Variants in MYEOV observed in about 807,000 individuals in gnomAD.
The protein encoded by MYEOV is myeloma-overexpressed gene protein.
Under a neutral mutation model 4.5 loss-of-function variants are expected in MYEOV, and 4 were observed. That is an observed-to-expected ratio of 0.89 (90% confidence interval 0.44 to 2.03). The LOEUF (loss-of-function observed/expected upper bound fraction) is 2.03. MYEOV is among the 30% of genes most tolerant of loss of function. The pLI is 0.03. For missense variants in MYEOV, 408 were observed against 412.8 expected (o/e 0.99, Z 0.10); for synonymous variants, 184 against 170.3 (o/e 1.08, Z -0.63).
rs147884839 is a variant in MYEOV, at chr11:69,296,369, C to A, written c.919C>A (p.Leu307Ile). 400 of 1,423,804 alleles carry A rather than the reference C, an allele frequency of 2.8e-4. 1 individual carries two copies. Among genetic ancestry groups the A allele is most frequent in the Middle Eastern group, 5.5e-4 (3 of 5,426 alleles). The allele number at this position is 1,423,804 out of a possible 1,614,324, so 88.2% of individuals were successfully genotyped here. ...CCTCCACCACCTCCTCCTCCTCCTC[C>A]TCATCATCATCCTCACTTGTTGAGG... ...LLLHHLLLLLLIIILTC is the reference protein window; with the variant it reads ...LLLHHLLLLLIIIILTC The change falls in exon 3 of 3, where the codon CTC becomes ATC. Residue 307 changes from leucine to isoleucine, a missense_variant. Transcript: ENST00000441339.
rs1565151767 is a variant in MYEOV at position 69,296,234 on chromosome 11, A to G, written c.784A>G (p.Thr262Ala). 6.2e-7 allele frequency: 1 copy of G among 1,603,306 alleles called. No homozygotes were observed. ...LPLRVAGSWL[T>A]VVTVEALGGW... ...TCTGCGGGTGGCTGGGTCCTGGCTGACTGTTGTGACTGTTGAGGCCCTGGG... is the reference window on the plus strand; with the variant it reads ...TCTGCGGGTGGCTGGGTCCTGGCTGGCTGTTGTGACTGTTGAGGCCCTGGG... Residue 262 changes from threonine (T) to alanine (A), a missense_variant, in exon 3 of 3, where the codon ACT becomes GCT. Transcript: ENST00000441339.
chr11:69,295,644 G>C lies in MYEOV; in HGVS notation c.194G>C (p.Gly65Ala), dbSNP rs747043106. 2.5e-6 allele frequency: 4 copies of C among 1,614,138 alleles called. No homozygotes were observed. The South Asian group carries it at 4.4e-5, about 18-fold the overall frequency. The part of the protein sequence containing the change: ...DSLLMFTRQA[G>A]HFVEGSKAGR... Reference sequence around the variant, plus strand: ...TTGCTCATGTTCACCCGGCAGGCTGGACACTTCGTGGAGGGCTCCAAAGCC... The same window carrying C: ...TTGCTCATGTTCACCCGGCAGGCTGCACACTTCGTGGAGGGCTCCAAAGCC... The change falls in exon 3 of 3, where the codon GGA becomes GCA. Residue 65 changes from glycine to alanine, a missense_variant. Transcript: ENST00000441339. This position sits in a 1 kb window ranked among gnomAD's most constrained non-coding sequence, Gnocchi z 4.1.
In MYEOV at chr11:69,296,068, T is replaced by C. The variant is rs772057143; in HGVS notation, c.618T>C (p.Pro206=). The change falls in exon 3 of 3, where the codon CCT becomes CCC. Residue 206 remains proline (P), a synonymous_variant. Coordinates refer to ENST00000441339, the MANE Select transcript of MYEOV (RefSeq NM_001293291.2). ...WARMDVALRS[P]GRGLLAGAGA... ...GAATGGATGTGGCTCTGCGCTCACC[T>C]GGGCGAGGACTTCTGGCCGGTGCCG... 8.7e-6 allele frequency: 14 copies of C among 1,614,024 alleles called. 1 individual carries two copies.
Position 69,295,805 on chromosome 11 carries a change from G to A in MYEOV, c.355G>A (p.Ala119Thr), listed in dbSNP as rs774909178. Reference sequence around the variant, plus strand: ...GGGAGACAAGGGTGCCCAGACAGGTGCGGGGCTCAGCCAGGAGGCAGAAGA... The same window carrying A: ...GGGAGACAAGGGTGCCCAGACAGGTACGGGGCTCAGCCAGGAGGCAGAAGA... ...NKGDKGAQTG[A>T]GLSQEAEDVD... The change falls in exon 3 of 3, where the codon GCG becomes ACG. Residue 119 changes from alanine to threonine, a missense_variant. Ala to Thr is a moderately conservative substitution (Grantham distance 58, BLOSUM62 0). Transcript: ENST00000441339. The surrounding 1 kb of genome is among the most constrained non-coding windows in gnomAD (Gnocchi z 4.1). The A allele has an allele frequency of 1.2e-6, 2 of 1,614,208 alleles. No individual in the cohort carries two copies. The highest frequency in any genetic ancestry group is 1.7e-6 in the Non-Finnish European group (2 of 1,180,036).
Position 69,296,374 on chromosome 11 carries a change from C to G in MYEOV, c.924C>G (p.Ile308Met). The G allele has an allele frequency of 2.7e-6, 4 of 1,468,120 alleles. No homozygotes were observed. The highest frequency in any genetic ancestry group is 3.6e-6 in the Non-Finnish European group (4 of 1,106,148). 90.9% of individuals were successfully genotyped at this position (1,468,120 alleles called of 1,614,324 possible). The change falls in exon 3 of 3, where the codon ATC (isoleucine) becomes ATG (methionine). Residue 308 changes from isoleucine to methionine, a missense_variant. Physicochemically the swap from Ile to Met is conservative, Grantham distance 10. Coordinates refer to ENST00000441339, the MANE Select transcript of MYEOV (RefSeq NM_001293291.2). Reference protein sequence around the residue: ...LLHHLLLLLLIIILTC With the variant: ...LLHHLLLLLLMIILTC ...ACCACCTCCTCCTCCTCCTCCTCATCATCATCCTCACTTGTTGAGGACGTC... is the reference window on the plus strand; with the variant it reads ...ACCACCTCCTCCTCCTCCTCCTCATGATCATCCTCACTTGTTGAGGACGTC...
At position 69,296,137 on chromosome 11, in the gene MYEOV, T is replaced by C. The variant is rs764391548; in HGVS notation, c.687T>C (p.Tyr229=). The stretch of plus-strand genomic sequence containing the variant: ...TGGCAGAATCGAGCTGCCCTGACTA[T>C]GAAAGGGGAAGAAGAGCATGCCTGA... ...MTLAESSCPD[Y]ERGRRACLTL... is the part of the protein sequence containing the mutation. The change falls in exon 3 of 3, where the codon TAT becomes TAC. Residue 229 remains tyrosine (Y), a synonymous_variant. Coordinates refer to ENST00000441339, the MANE Select transcript of MYEOV (RefSeq NM_001293291.2). 8 of 1,613,980 alleles carry C rather than the reference T, an allele frequency of 5.0e-6. No homozygotes were observed. In the South Asian group the frequency reaches 8.8e-5, roughly 18 times the overall value.
rs947919631 is a variant in MYEOV at position 69,295,727 on chromosome 11, G to T, written c.277G>T (p.Ala93Ser). The change falls in exon 3 of 3, where the codon GCA becomes TCA. Residue 93 changes from alanine to serine, a missense_variant. Physicochemically the swap from Ala to Ser is moderately conservative, Grantham distance 99. Coordinates refer to ENST00000441339, the MANE Select transcript of MYEOV (RefSeq NM_001293291.2). The surrounding 1 kb of genome is among the most constrained non-coding windows in gnomAD (Gnocchi z 4.1). ...GGCCCTGCGTGTTGCGGTGAGAGGAGCATTTGTGTCTCTGTGGTTTGCTGC... is the reference window on the plus strand; with the variant it reads ...GGCCCTGCGTGTTGCGGTGAGAGGATCATTTGTGTCTCTGTGGTTTGCTGC... Reference protein sequence around the residue: ...SQALRVAVRGAFVSLWFAAGA... With the variant: ...SQALRVAVRGSFVSLWFAAGA... 3 of 1,614,056 alleles carry T rather than the reference G, an allele frequency of 1.9e-6. No homozygotes were observed. Among genetic ancestry groups the T allele is most frequent in the Non-Finnish European group, 2.5e-6 (3 of 1,180,040 alleles).
At position 69,295,574 on chromosome 11, in the gene MYEOV, C is replaced by T. The variant is rs550325881; in HGVS notation, c.142-18C>T. ...ACCTGCTGATGTCTGATTTATTCATCGGTTTTCTTGTCTGTAGTCTGTCCC... is the reference window on the plus strand; with the variant it reads ...ACCTGCTGATGTCTGATTTATTCATTGGTTTTCTTGTCTGTAGTCTGTCCC... On this transcript the variant is annotated intron_variant, in intron 2 of 2. Coordinates refer to ENST00000441339, the MANE Select transcript of MYEOV (RefSeq NM_001293291.2). This position sits in a 1 kb window ranked among gnomAD's most constrained non-coding sequence, Gnocchi z 4.1. The T allele has an allele frequency of 1.2e-5, 19 of 1,611,746 alleles. No homozygotes were observed. Among genetic ancestry groups the T allele is most frequent in the Middle Eastern group, 1.7e-4 (1 of 6,052 alleles).
Position 69,295,503 on chromosome 11 carries a change from C to T in MYEOV, c.141+8C>T. On this transcript the variant is annotated splice_region_variant and intron_variant, in intron 2 of 2. Coordinates refer to ENST00000441339, the MANE Select transcript of MYEOV (RefSeq NM_001293291.2). The surrounding 1 kb of genome is among the most constrained non-coding windows in gnomAD (Gnocchi z 4.1). ...ACCTTCCACCTCCACCAGGTGCCGA[C>T]ACTTCCCTGACCCCAGTAACCTCTT... 6.2e-7 allele frequency: 1 copy of T among 1,614,096 alleles called. No homozygotes were observed. Among genetic ancestry groups the T allele is most frequent in the Non-Finnish European group, 8.5e-7 (1 of 1,179,958 alleles).
At position 69,295,617 on chromosome 11, in the gene MYEOV, C is replaced by T. The variant is rs745685581; in HGVS notation, c.167C>T (p.Ser56Leu). 15 of 1,613,668 alleles carry T rather than the reference C, an allele frequency of 9.3e-6. 1 individual carries two copies. Among genetic ancestry groups the T allele is most frequent in the South Asian group, 6.6e-5 (6 of 91,054 alleles). Residue 56 changes from serine (S) to leucine (L), a missense_variant, in exon 3 of 3, where the codon TCG becomes TTG. Coordinates refer to ENST00000441339, the MANE Select transcript of MYEOV (RefSeq NM_001293291.2). This position sits in a 1 kb window ranked among gnomAD's most constrained non-coding sequence, Gnocchi z 4.1. Reference sequence around the variant, plus strand: ...TCTGTCCCCCTTGGGGACAGGGACTCGTTGCTCATGTTCACCCGGCAGGCT... The same window carrying T: ...TCTGTCCCCCTTGGGGACAGGGACTTGTTGCTCATGTTCACCCGGCAGGCT... ...HQSVPLGDRD[S>L]LLMFTRQAGH... is the part of the protein sequence containing the mutation.
chr11:69,295,102 A>G lies in MYEOV; in HGVS notation c.-122-131A>G. Reference sequence around the variant, plus strand: ...TCCCAGCTTCCAGGATCATGAGGTGAAAACGTGAAGGGACCCTAGAGGCCA... The same window carrying G: ...TCCCAGCTTCCAGGATCATGAGGTGGAAACGTGAAGGGACCCTAGAGGCCA... On this transcript the variant is annotated intron_variant, in intron 1 of 2. Transcript: ENST00000441339. The surrounding 1 kb of genome is among the most constrained non-coding windows in gnomAD (Gnocchi z 4.1). 1.9e-6 allele frequency: 1 copy of G among 537,084 alleles called. No homozygotes were observed. The highest frequency in any genetic ancestry group is 3.2e-6 in the Non-Finnish European group (1 of 313,508). 33.3% of individuals were successfully genotyped at this position (537,084 alleles called of 1,614,324 possible).
chr11:69,296,181 C>A lies in MYEOV; in HGVS notation c.731C>A (p.Thr244Asn). ...TGCCTGACCCTCCACCGGCACCCCA[C>A]CCCTCACTGCTCCACCTGGGGCCTG... ...RACLTLHRHPTPHCSTWGLPL... is the reference protein window; with the variant it reads ...RACLTLHRHPNPHCSTWGLPL... Residue 244 changes from threonine (T) to asparagine (N), a missense_variant, in exon 3 of 3, where the codon ACC becomes AAC. Thr to Asn is a moderately conservative substitution (Grantham distance 65). Coordinates refer to ENST00000441339, the MANE Select transcript of MYEOV (RefSeq NM_001293291.2). 6.2e-7 allele frequency: 1 copy of A among 1,613,800 alleles called. No homozygotes were observed.
Position 69,295,441 on chromosome 11 carries a change from C to T in MYEOV, c.87C>T (p.Pro29=). The part of the protein sequence containing the change: ...TRCCLCLEQS[P]SWCHCLRGVS... The stretch of plus-strand genomic sequence containing the variant: ...GTTGCCTCTGCCTGGAACAGTCTCC[C>T]TCCTGGTGTCATTGTCTCCGTGGTG... Residue 29 remains proline (P), a synonymous_variant, in exon 2 of 3, where the codon CCC becomes CCT. Coordinates refer to ENST00000441339, the MANE Select transcript of MYEOV (RefSeq NM_001293291.2). The surrounding 1 kb of genome is among the most constrained non-coding windows in gnomAD (Gnocchi z 4.1). 8 of 1,614,214 alleles carry T rather than the reference C, an allele frequency of 5.0e-6. No individual in the cohort carries two copies. Among genetic ancestry groups the T allele is most frequent in the Non-Finnish European group, 6.8e-6 (8 of 1,180,016 alleles).
In MYEOV at chr11:69,296,694, A is replaced by T; in HGVS notation, c.*302A>T. ...CATGATAACCCAGCTCCTTCTGGTC[A>T]TTTTCTCAGCTGGTTAGAGGCTGGG... On this transcript the variant is annotated 3_prime_UTR_variant, in exon 3 of 3. Transcript: ENST00000441339. The T allele has an allele frequency of 3.0e-6, 1 of 333,274 alleles. No homozygotes were observed. Among genetic ancestry groups the T allele is most frequent in the Non-Finnish European group, 5.5e-6 (1 of 182,032 alleles). The allele number at this position is 333,274 out of a possible 1,614,324, so 20.6% of individuals were successfully genotyped here. A position where few individuals can be genotyped will look rare whatever the true frequency, so the allele number is the denominator to read the frequency against.
Position 69,296,369 on chromosome 11 carries a change from C to CTCA in MYEOV, c.928_930dup (p.Ile310dup). 1 of 1,424,442 alleles carries CTCA rather than the reference C, an allele frequency of 7.0e-7. No homozygotes were observed. The highest frequency in any genetic ancestry group is 9.4e-7 in the Non-Finnish European group (1 of 1,067,934). 88.2% of individuals were successfully genotyped at this position (1,424,442 alleles called of 1,614,324 possible). A position where few individuals can be genotyped will look rare whatever the true frequency, so the allele number is the denominator to read the frequency against. On this transcript the variant is annotated inframe_insertion, in exon 3 of 3. Transcript: ENST00000441339. The stretch of plus-strand genomic sequence containing the variant: ...CCTCCACCACCTCCTCCTCCTCCTC[C>CTCA]TCATCATCATCCTCACTTGTTGAGG...
rs1443565761 is a variant in MYEOV at position 69,295,132 on chromosome 11, G to T, written c.-122-101G>T. On this transcript the variant is annotated intron_variant, in intron 1 of 2. Coordinates refer to ENST00000441339, the MANE Select transcript of MYEOV (RefSeq NM_001293291.2). This position sits in a 1 kb window ranked among gnomAD's most constrained non-coding sequence, Gnocchi z 4.1. ...GTGAAGGGACCCTAGAGGCCATGGG[G>T]ACCCAGGCACAGAGCGGCGGCCTCT... The T allele has an allele frequency of 3.0e-6, 2 of 671,714 alleles. No homozygotes were observed. The highest frequency in any genetic ancestry group is 4.8e-6 in the Non-Finnish European group (2 of 416,182). 41.6% of individuals were successfully genotyped at this position (671,714 alleles called of 1,614,324 possible). A position where few individuals can be genotyped will look rare whatever the true frequency, so the allele number is the denominator to read the frequency against.
chr11:69,295,492 C>T lies in MYEOV; in HGVS notation c.138C>T (p.His46=). ...RGVSFLTFHL[H]QSVPLGDRDS... ...TGTCCTTCCTGACCTTCCACCTCCACCAGGTGCCGACACTTCCCTGACCCC... is the reference window on the plus strand; with the variant it reads ...TGTCCTTCCTGACCTTCCACCTCCATCAGGTGCCGACACTTCCCTGACCCC... Residue 46 remains histidine (H), a synonymous_variant, in exon 2 of 3, where the codon CAC becomes CAT. Coordinates refer to ENST00000441339, the MANE Select transcript of MYEOV (RefSeq NM_001293291.2). The surrounding 1 kb of genome is among the most constrained non-coding windows in gnomAD (Gnocchi z 4.1). 1 of 1,614,178 alleles carries T rather than the reference C, an allele frequency of 6.2e-7. No homozygotes were observed. The highest frequency in any genetic ancestry group is 1.1e-5 in the South Asian group (1 of 91,076).
Position 69,295,589 on chromosome 11 carries a change from T to C in MYEOV, c.142-3T>C. 3 of 1,612,682 alleles carry C rather than the reference T, an allele frequency of 1.9e-6. No individual in the cohort carries two copies. Among genetic ancestry groups the C allele is most frequent in the Non-Finnish European group, 2.5e-6 (3 of 1,179,202 alleles). ...ATTTATTCATCGGTTTTCTTGTCTG[T>C]AGTCTGTCCCCCTTGGGGACAGGGA... On this transcript the variant is annotated splice_region_variant and splice_polypyrimidine_tract_variant and intron_variant, in intron 2 of 2. Coordinates refer to ENST00000441339, the MANE Select transcript of MYEOV (RefSeq NM_001293291.2). The surrounding 1 kb of genome is among the most constrained non-coding windows in gnomAD (Gnocchi z 4.1).
chr11:69,295,161 C>A lies in MYEOV; in HGVS notation c.-122-72C>A. ...CAGGCACAGAGCGGCGGCCTCTCAT[C>A]CTCCCCATGGTCAAGGAGGTCAGTG... is the stretch of plus-strand genomic sequence containing the variant. On this transcript the variant is annotated intron_variant, in intron 1 of 2. Coordinates refer to ENST00000441339, the MANE Select transcript of MYEOV (RefSeq NM_001293291.2). This position sits in a 1 kb window ranked among gnomAD's most constrained non-coding sequence, Gnocchi z 4.1. The A allele has an allele frequency of 1.1e-6, 1 of 923,702 alleles. No individual in the cohort carries two copies. Among genetic ancestry groups the A allele is most frequent in the Middle Eastern group, 3.5e-4 (1 of 2,882 alleles). The allele number at this position is 923,702 out of a possible 1,614,324, so 57.2% of individuals were successfully genotyped here.
Sources: allele counts gnomAD v4.1 joint callset, GRCh38; gene constraint gnomAD v4.1.1; non-coding constraint Gnocchi (gnomAD v3.1); transcripts MANE v1.5; gene names NCBI Gene and HGNC (gene_info 2026-07-23, HGNC 2026-07-21).